AMPH: variants seen among roughly 807,000 people sequenced by gnomAD.
The protein encoded by AMPH is amphiphysin.
Under a neutral mutation model 99.1 loss-of-function variants are expected in AMPH, and 49 were observed. The observed-to-expected ratio is 0.49, with a 90% CI of 0.39 to 0.63. AMPH has a LOEUF of 0.63. Among genes scored for constraint, AMPH ranks in the 20% least tolerant of loss-of-function variants. AMPH has a pLI of 0.00. For synonymous variants in AMPH, 314 were observed against 317.3 expected, an observed-to-expected ratio of 0.99 and a Z score of 0.11; for missense variants, 759 against 863.4, an observed-to-expected ratio of 0.88 and a Z score of 1.52.
chr7:38,499,839 C>A (rs1789069355), intron 3 of AMPH, among the ~76,000 whole-genome samples: 1 of 152,062 alleles, frequency 6.6e-6, no homozygotes, highest in African/African-American at 2.4e-5. Context: ...CCGTGCTGTT[C>A]TCGTGATAGT....
In AMPH at chr7:38,408,611, C is replaced by T. The variant is rs183229805; in HGVS notation, c.1398+9214G>A. 4.0e-3 allele frequency among the ~76,000 whole-genome samples: 602 copies of T among 151,908 alleles called. 2 individuals carry two copies. Among genetic ancestry groups the T allele is most frequent in the Middle Eastern group, 6.8e-3 (2 of 294 alleles). On this transcript the variant is annotated intron_variant, in intron 17 of 20. Coordinates refer to ENST00000356264, the MANE Select transcript of AMPH (RefSeq NM_001635.4). ...CCTGTCTCTACTAAAGATACAACGGCGTGGTGGTGGGTGCCTGTAGTCCCA... is the reference window on the plus strand; with the variant it reads ...CCTGTCTCTACTAAAGATACAACGGTGTGGTGGTGGGTGCCTGTAGTCCCA...
chr7:38,602,805 G>T (rs1793295500), intron 1 of AMPH, among the ~76,000 whole-genome samples: 1 of 152,126 alleles, frequency 6.6e-6, no homozygotes, highest in Non-Finnish European at 1.5e-5. Flanking sequence ...CAAGAACACT[G>T]CTTCTCTTCT....
chr7:38,526,428 C>A (rs1360597767), intron 2 of AMPH, among the ~76,000 whole-genome samples: 1 of 122,226 alleles, frequency 8.2e-6, no homozygotes, highest in Non-Finnish European at 1.6e-5. Context: ...CACTACCATG[C>A]CCGGCTTTTT....
intron 1 of AMPH, among the ~76,000 whole-genome samples, chr7:38,625,260 A>G (rs763607456): frequency 6.6e-6 from 1 of 152,222 alleles, no homozygotes; most frequent in African/African-American, 2.4e-5. Context: ...GCATCCAAAA[A>G]GGATATCTCC....
At chr7:38,405,791 A>C (rs963182007) in intron 17 of AMPH, among the ~76,000 whole-genome samples, 4 of 152,192 alleles carry the variant, frequency 2.6e-5, no homozygotes, top group Non-Finnish European at 5.9e-5. Flanking sequence ...TCAATACCCC[A>C]CTGATAGCAT....
intron 16 of AMPH, among the ~76,000 whole-genome samples, chr7:38,418,616 C>T (rs1244992221): frequency 1.3e-5 from 2 of 152,230 alleles, no homozygotes; most frequent in South Asian, 2.1e-4. Context: ...ATCATAGATA[C>T]TTTACTGCCT....
chr7:38,491,215 T>C, intron 4 of AMPH, 70 bp from the exon 5 acceptor site: 1 of 869,092 alleles, frequency 1.2e-6, no homozygotes, highest in African/African-American at 1.8e-5. Flanking sequence ...TCTAAAAAAA[T>C]CTGAAACTAT....
intron 1 of AMPH, among the ~76,000 whole-genome samples, chr7:38,539,931 G>A (rs1790750185): frequency 1.3e-5 from 2 of 152,176 alleles, no homozygotes; most frequent in African/African-American, 2.4e-5. Context: ...GAACTGAGAT[G>A]ACTAAAAACA....
At chr7:38,567,415 A>G (rs927298519) in intron 1 of AMPH, among the ~76,000 whole-genome samples, 67 of 152,252 alleles carry the variant, frequency 4.4e-4, no homozygotes, top group Non-Finnish European at 4.3e-4. Context: ...GATGGATAGC[A>G]TTAGGAGAAA....
rs189110236 is a variant in AMPH, at chr7:38,386,478, A to G, written c.1981-1553T>C. On this transcript the variant is annotated intron_variant, in intron 20 of 20. Transcript: ENST00000356264. ...ACATATAATCTGAAAGACAACTTGTAAAGAATATTAGCCAACATCAATCTT... is the reference window on the plus strand; with the variant it reads ...ACATATAATCTGAAAGACAACTTGTGAAGAATATTAGCCAACATCAATCTT... 1.8e-4 allele frequency among the ~76,000 whole-genome samples: 27 copies of G among 152,336 alleles called. No homozygotes were observed. The East Asian group carries it at 4.8e-3, about 27-fold the overall frequency.
rs116681242 is a variant in AMPH, at chr7:38,503,574, A to G, written c.205+76T>C. On this transcript the variant is annotated intron_variant, in intron 3 of 20. Transcript: ENST00000356264. Reference sequence around the variant, plus strand: ...GAAGCCAAATGGCTTTGTAATTAACACTCAATCCTGTCACTCATGAATTCC... The same window carrying G: ...GAAGCCAAATGGCTTTGTAATTAACGCTCAATCCTGTCACTCATGAATTCC... The G allele has an allele frequency of 1.6e-3, 2,360 of 1,495,492 alleles. 35 individuals carry two copies. The African/African-American group carries it at 0.029, about 19-fold the overall frequency. The allele number at this position is 1,495,492 out of a possible 1,614,324, so 92.6% of individuals were successfully genotyped here. A position where few individuals can be genotyped will look rare whatever the true frequency, so the allele number is the denominator to read the frequency against.
At chr7:38,445,230 G>A (rs1469389674) in intron 11 of AMPH, among the ~76,000 whole-genome samples, 3 of 151,746 alleles carry the variant, frequency 2.0e-5, no homozygotes, top group Admixed American at 6.6e-5. Flanking sequence ...CTAAAGAAAT[G>A]AATTCCAACA....
At chr7:38,526,763 A>G (rs933905715) in intron 2 of AMPH, among the ~76,000 whole-genome samples, 1 of 152,034 alleles carries the variant, frequency 6.6e-6, no homozygotes, top group Non-Finnish European at 1.5e-5. Context: ...GAAGTTTTTA[A>G]TTTGGATGAG....
At chr7:38,625,246 A>G (rs1794204773) in intron 1 of AMPH, among the ~76,000 whole-genome samples, 1 of 152,228 alleles carries the variant, frequency 6.6e-6, no homozygotes, top group Non-Finnish European at 1.5e-5. Flanking sequence ...ACAAAAGGGC[A>G]GAGGCATCCA....
At chr7:38,424,866 G>A (rs758021741) in intron 15 of AMPH, among the ~76,000 whole-genome samples, 2 of 152,102 alleles carry the variant, frequency 1.3e-5, no homozygotes, top group Non-Finnish European at 2.9e-5. Context: ...GGGAGATAGA[G>A]AGAAAGAATG....
rs112872886 is a variant in AMPH at position 38,462,995 on chromosome 7, G to A, written c.868C>T (p.Arg290Trp). 5.3e-5 allele frequency: 84 copies of A among 1,589,758 alleles called. 1 individual carries two copies. The highest frequency in any genetic ancestry group is 3.6e-4 in the Admixed American group (21 of 58,086). ...CCTACCTGTGAAGGTGACCGAGGCCGTGCTGGTGCGGGAGACGCAGGTGCT... is the reference window on the plus strand; with the variant it reads ...CCTACCTGTGAAGGTGACCGAGGCCATGCTGGTGCGGGAGACGCAGGTGCT... ...TLAPASPAPA[R>W]PRSPSQTRKG... is the part of the protein sequence containing the mutation. Residue 290 changes from arginine to tryptophan, a missense_variant, in exon 10 of 21, where the codon CGG becomes TGG. Physicochemically the swap from Arg to Trp is moderately radical, Grantham distance 101. Coordinates refer to ENST00000356264, the MANE Select transcript of AMPH (RefSeq NM_001635.4).
intron 1 of AMPH, among the ~76,000 whole-genome samples, chr7:38,558,115 A>G (rs1454358052): frequency 2.6e-5 from 4 of 152,232 alleles, no homozygotes; most frequent in Admixed American, 2.0e-4. Context: ...GTAACCACAA[A>G]GCTGCCTATG....
chr7:38,529,019 C>A lies in AMPH; in HGVS notation c.150+5912G>T, dbSNP rs955684012. ...CCTTCTATAATTTCCCCTATTACACCAGACTATCTTAAAAGAGCTTCATGA... is the reference window on the plus strand; with the variant it reads ...CCTTCTATAATTTCCCCTATTACACAAGACTATCTTAAAAGAGCTTCATGA... On this transcript the variant is annotated intron_variant, in intron 2 of 20. Coordinates refer to ENST00000356264, the MANE Select transcript of AMPH (RefSeq NM_001635.4). Among the ~76,000 whole-genome samples the A allele has an allele frequency of 1.3e-5, 2 of 152,174 alleles. 1 individual carries two copies. Among genetic ancestry groups the A allele is most frequent in the South Asian group, 4.1e-4 (2 of 4,822 alleles).
At chr7:38,467,901 A>T (rs950712135) in intron 7 of AMPH, among the ~76,000 whole-genome samples, 1 of 152,178 alleles carries the variant, frequency 6.6e-6, no homozygotes, top group Non-Finnish European at 1.5e-5. Flanking sequence ...AGAAGTGTCC[A>T]ATTTAAATAG....
Sources: gnomAD v4.1 joint callset for allele counts (sites outside exome capture counted in the v4.1 genomes callset) on GRCh38, gnomAD v4.1.1 for gene constraint, MANE v1.5 for transcripts, NCBI Gene and HGNC (gene_info 2026-07-23, HGNC 2026-07-21) for gene names.